TFDP2: variants seen among roughly 807,000 people sequenced by gnomAD.
The protein encoded by TFDP2 is transcription factor Dp-2, also known as transcription factor Dp-2 (E2F dimerization partner 2).
A neutral mutation model predicts 59.3 loss-of-function variants in TFDP2; 17 were observed. The observed-to-expected ratio is 0.29, with a 90% CI of 0.20 to 0.43. The LOEUF (loss-of-function observed/expected upper bound fraction) is 0.43, where lower values mean the gene tolerates loss of function less well. TFDP2 is among the 20% of genes least tolerant of loss of function. The pLI, the probability that TFDP2 is intolerant of heterozygous loss-of-function variation, is 1.00. For synonymous variants in TFDP2, 180 were observed against 194.7 expected (o/e 0.92, Z 0.63); for missense variants, 391 against 528.8 (o/e 0.74, Z 2.56).
intron 5 of TFDP2, among the ~76,000 whole-genome samples, chr3:141,993,995 C>T (rs552864542): frequency 5.9e-5 from 9 of 152,322 alleles, no homozygotes; most frequent in Non-Finnish European, 8.8e-5. Context: ...TTGGCTTTCA[C>T]GTTATAATCT....
At chr3:142,073,159 T>C (rs988195458) in intron 3 of TFDP2, among the ~76,000 whole-genome samples, 11 of 152,176 alleles carry the variant, frequency 7.2e-5, no homozygotes, top group Non-Finnish European at 1.6e-4. Flanking sequence ...GGCCTCAAAC[T>C]CCTGGGCTCA....
At chr3:142,133,219 T>A (rs73236023) in intron 1 of TFDP2, among the ~76,000 whole-genome samples, 29,256 of 149,458 alleles carry the variant, frequency 0.2, 4,279 homozygotes, top group African/African-American at 0.3. Context: ...AATACAAGTA[T>A]TTTTTGAGGA....
At chr3:142,140,770 G>A (rs1046407277) in intron 1 of TFDP2, among the ~76,000 whole-genome samples, 3 of 152,144 alleles carry the variant, frequency 2.0e-5, no homozygotes, top group Non-Finnish European at 2.9e-5. Context: ...GTCCCAGGGG[G>A]GCACCCACCT....
chr3:141,979,059 A>G (rs11569221), intron 6 of TFDP2, among the ~76,000 whole-genome samples: 2 of 152,202 alleles, frequency 1.3e-5, no homozygotes, highest in Admixed American at 1.3e-4. Flanking sequence ...TTTTACTGAA[A>G]TTAAAACTAT....
At chr3:142,034,147 G>A (rs1946567065) in intron 3 of TFDP2, among the ~76,000 whole-genome samples, 1 of 144,042 alleles carries the variant, frequency 6.9e-6, no homozygotes, top group Non-Finnish European at 1.5e-5. Flanking sequence ...CCAGGCTGGA[G>A]TGCAATGGCG....
At chr3:142,047,793 A>G (rs1290388918) in intron 3 of TFDP2, among the ~76,000 whole-genome samples, 6 of 144,486 alleles carry the variant, frequency 4.2e-5, no homozygotes, top group African/African-American at 1.6e-4. Flanking sequence ...GCTCCAGTGC[A>G]GTCAGTGGCG....
At chr3:141,969,791 CA>C (rs1939434926) in intron 9 of TFDP2, among the ~76,000 whole-genome samples, 1 of 152,200 alleles carries the variant, frequency 6.6e-6, no homozygotes, top group African/African-American at 2.4e-5. Context: ...AGACCCCTGA[CA>C]GTTTATGTTT....
At chr3:142,035,225 C>A (rs1488272374) in intron 3 of TFDP2, among the ~76,000 whole-genome samples, 1 of 152,302 alleles carries the variant, frequency 6.6e-6, no homozygotes, top group East Asian at 1.9e-4. Context: ...TAATTAGGAG[C>A]TGTTTGGGAA....
At chr3:142,049,551 T>C (rs1947506548) in intron 3 of TFDP2, among the ~76,000 whole-genome samples, 1 of 152,086 alleles carries the variant, frequency 6.6e-6, no homozygotes, top group Admixed American at 6.5e-5. Flanking sequence ...TCCCCTAAAA[T>C]CAGGAACAAG....
intron 7 of TFDP2, 60 bp downstream of exon 7, chr3:141,978,460 G>A (rs1225166106): frequency 4.7e-6 from 7 of 1,497,000 alleles, no homozygotes; most frequent in Non-Finnish European, 6.3e-6. Flanking sequence ...CTATAACAAA[G>A]ATAACACAAA....
chr3:142,139,839 T>C (rs1228430571), intron 1 of TFDP2, among the ~76,000 whole-genome samples: 2 of 152,204 alleles, frequency 1.3e-5, no homozygotes, highest in Admixed American at 1.3e-4. Context: ...CTGACAGTTA[T>C]GTATCTTGGG....
chr3:141,973,840 T>C (rs1276929110), intron 8 of TFDP2, among the ~76,000 whole-genome samples: 1 of 152,198 alleles, frequency 6.6e-6, no homozygotes, highest in Non-Finnish European at 1.5e-5. Context: ...TCAACTTTTA[T>C]ATCCCTCAGT....
chr3:141,953,328 T>TAC (rs1259644508), intron 11 of TFDP2, among the ~76,000 whole-genome samples: 10 of 152,166 alleles, frequency 6.6e-5, no homozygotes, highest in African/African-American at 2.4e-4. Context: ...GCCCATGGGA[T>TAC]ACATCCCAGT....
intron 3 of TFDP2, among the ~76,000 whole-genome samples, chr3:142,091,848 C>G (rs1440028825): frequency 1.3e-5 from 2 of 152,246 alleles, no homozygotes; most frequent in East Asian, 3.9e-4. Context: ...GAATCTAATG[C>G]TCACTTGCTG....
At chr3:142,014,768 A>T (rs1358782894) in intron 3 of TFDP2, among the ~76,000 whole-genome samples, 2 of 152,122 alleles carry the variant, frequency 1.3e-5, no homozygotes, top group Non-Finnish European at 2.9e-5. Flanking sequence ...TCTCTGTCAG[A>T]TCATTCTCAT....
intron 1 of TFDP2, among the ~76,000 whole-genome samples, chr3:142,144,272 G>A (rs2063077103): frequency 6.6e-6 from 1 of 151,922 alleles, no homozygotes; most frequent in Non-Finnish European, 1.5e-5. Flanking sequence ...TACTTGGGAG[G>A]TTGAGGCACA....
At chr3:142,074,883 T>C (rs2060388162) in intron 3 of TFDP2, among the ~76,000 whole-genome samples, 1 of 151,994 alleles carries the variant, frequency 6.6e-6, no homozygotes, top group Non-Finnish European at 1.5e-5. Context: ...AATTAATGAA[T>C]GAATGAATTT....
chr3:142,018,838 AT>A (rs1285921438), intron 3 of TFDP2, among the ~76,000 whole-genome samples: 1 of 151,664 alleles, frequency 6.6e-6, no homozygotes, highest in Non-Finnish European at 1.5e-5. Context: ...ATATATTGTT[AT>A]GAGTATGGCT....
chr3:141,957,077 T>C (rs1270343708), intron 11 of TFDP2, among the ~76,000 whole-genome samples: 5 of 152,066 alleles, frequency 3.3e-5, no homozygotes, highest in Non-Finnish European at 5.9e-5. Context: ...TCCCAACACT[T>C]TGGGAGGCTG....
Sources: gnomAD v4.1 joint callset for allele counts (sites outside exome capture counted in the v4.1 genomes callset) on GRCh38, gnomAD v4.1.1 for gene constraint, MANE v1.5 for transcripts, NCBI Gene and HGNC (gene_info 2026-07-23, HGNC 2026-07-21) for gene names.